RIPOR3: variants seen among roughly 807,000 people sequenced by gnomAD.
The protein encoded by RIPOR3 is family with sequence similarity 65 member C.
RIPOR3 carries 95 observed loss-of-function variants against 114.3 expected under a neutral mutation model. That is an observed-to-expected ratio of 0.83 (90% CI 0.70 to 0.99). The LOEUF (loss-of-function observed/expected upper bound fraction) is 0.99. RIPOR3 is among the 50% of genes least tolerant of loss of function. The pLI is 0.00. For synonymous variants in RIPOR3, 575 were observed against 543.8 expected (o/e 1.06, Z -0.80); for missense variants, 1,252 against 1,266.9 (o/e 0.99, Z 0.18).
At position 50,613,693 on chromosome 20, in the gene RIPOR3, T is replaced by A. The variant is rs186200928; in HGVS notation, c.348+2309A>T. Among the ~76,000 whole-genome samples the A allele has an allele frequency of 5.0e-4, 76 of 152,158 alleles. No homozygotes were observed. The South Asian group carries it at 0.012, about 23-fold the overall frequency. ...CATGGGAGCAGCTAAAACATACAAG[T>A]ATTTATACTCTTGCCTGCTTTAGAG... On this transcript the variant is annotated intron_variant, in intron 4 of 21. Transcript: ENST00000327979.
chr20:50,594,764 G>A, intron 16 of RIPOR3, 50 bp from the exon 17 acceptor site: 1 of 1,572,432 alleles, frequency 6.4e-7, no homozygotes, highest in Non-Finnish European at 8.7e-7. Flanking sequence ...GAGAGCACAT[G>A]ACAAGGACCC....
At chr20:50,592,981 G>A (rs551381766) in intron 18 of RIPOR3, 54 bp downstream of exon 18, 3 of 1,595,850 alleles carry the variant, frequency 1.9e-6, no homozygotes, top group East Asian at 2.2e-5. Context: ...AACTGCATGT[G>A]ACAGGGCTCC....
intron 1 of RIPOR3, among the ~76,000 whole-genome samples, chr20:50,657,786 G>C (rs1470756356): frequency 8.5e-6 from 1 of 117,648 alleles, no homozygotes; most frequent in Non-Finnish European, 1.7e-5. Context: ...ACAGGGTCTT[G>C]CCTGTTGCCC....
intron 1 of RIPOR3, among the ~76,000 whole-genome samples, chr20:50,664,898 T>C (rs1568942286): frequency 6.6e-6 from 1 of 152,026 alleles, no homozygotes; most frequent in Non-Finnish European, 1.5e-5. Flanking sequence ...GGTTAGGAGT[T>C]TGAGACCAGC....
In RIPOR3 at chr20:50,612,614, T is replaced by A. The variant is rs560406414; in HGVS notation, c.349-1410A>T. On this transcript the variant is annotated intron_variant, in intron 4 of 21. Coordinates refer to ENST00000327979, the MANE Select transcript of RIPOR3 (RefSeq NM_001290268.2). The stretch of plus-strand genomic sequence containing the variant: ...CTCACAATTGCTAAACACATTTACA[T>A]GATTATGTGACCAGAGAGAAAAATA... 2.6e-5 allele frequency among the ~76,000 whole-genome samples: 4 copies of A among 152,252 alleles called. No individual in the cohort carries two copies. In the South Asian group the frequency reaches 8.3e-4, roughly 32 times the overall value.
intron 8 of RIPOR3, 86 bp downstream of exon 8, chr20:50,609,207 G>T: frequency 1.3e-6 from 2 of 1,515,268 alleles, no homozygotes; most frequent in Non-Finnish European, 1.8e-6. Flanking sequence ...TCAGACCCCT[G>T]GGATTCTGGC....
intron 15 of RIPOR3, among the ~76,000 whole-genome samples, chr20:50,595,857 T>C (rs1369320808): frequency 6.6e-6 from 1 of 152,188 alleles, no homozygotes; most frequent in Non-Finnish European, 1.5e-5. Context: ...CCGATAAATT[T>C]TCCTGTTGGC....
chr20:50,655,608 G>A (rs540428314), intron 1 of RIPOR3, among the ~76,000 whole-genome samples: 3 of 151,966 alleles, frequency 2.0e-5, no homozygotes, highest in Non-Finnish European at 4.4e-5. Context: ...AGTCTGCATC[G>A]ATCTAGCAGA....
intron 19 of RIPOR3, 91 bp from the exon 20 acceptor site, chr20:50,589,860 GGCACGCTGTGC>G: frequency 8.9e-7 from 1 of 1,120,248 alleles, no homozygotes; most frequent in South Asian, 1.3e-5. Context: ...CCGACAGTAA[GGCACGCTGTGC>G]CCATCTTTCT....
At chr20:50,601,269 A>C (rs2083483535) in intron 13 of RIPOR3, among the ~76,000 whole-genome samples, 1 of 152,268 alleles carries the variant, frequency 6.6e-6, no homozygotes, top group Admixed American at 6.5e-5. Flanking sequence ...CCCCATCTCT[A>C]CTAAAAATAC....
intron 13 of RIPOR3, among the ~76,000 whole-genome samples, chr20:50,600,492 C>G (rs550615440): frequency 6.6e-6 from 1 of 152,194 alleles, no homozygotes; most frequent in South Asian, 2.1e-4. Context: ...GGCACGATGG[C>G]TCACGCCTGT....
In RIPOR3 at chr20:50,637,439, C is replaced by T. The variant is rs557265795; in HGVS notation, c.4-6583G>A. The stretch of plus-strand genomic sequence containing the variant: ...GGTCCTCCCTGACCCCCTTGGCTAA[C>T]GTGGACTTGCCCCTCACCCGTATCC... On this transcript the variant is annotated intron_variant, in intron 1 of 21. Transcript: ENST00000327979. Among the ~76,000 whole-genome samples the T allele has an allele frequency of 8.5e-5, 13 of 152,290 alleles. No homozygotes were observed. The South Asian group carries it at 2.5e-3, about 29-fold the overall frequency.
intron 1 of RIPOR3, among the ~76,000 whole-genome samples, chr20:50,632,180 C>A (rs78367462): frequency 0.026 from 3,893 of 152,232 alleles, 173 homozygotes; most frequent in African/African-American, 0.089. Flanking sequence ...ATATCCCCCA[C>A]CCCACAGCCC....
At chr20:50,618,237 C>T (rs190854641) in intron 3 of RIPOR3, among the ~76,000 whole-genome samples, 104 of 133,802 alleles carry the variant, frequency 7.8e-4, no homozygotes, top group African/African-American at 2.8e-3. Flanking sequence ...CACCACCGCA[C>T]TCCAGCCTGG....
At chr20:50,632,852 A>G (rs2084864338) in intron 1 of RIPOR3, among the ~76,000 whole-genome samples, 1 of 152,236 alleles carries the variant, frequency 6.6e-6, no homozygotes, top group Non-Finnish European at 1.5e-5. Context: ...GCCCGATGTC[A>G]GAGCTTGTCT....
chr20:50,653,394 A>C (rs1204423456), intron 1 of RIPOR3, among the ~76,000 whole-genome samples: 1 of 152,040 alleles, frequency 6.6e-6, no homozygotes, highest in Non-Finnish European at 1.5e-5. Flanking sequence ...ATGGTTGCAC[A>C]GCTTTGTGAA....
chr20:50,615,913 C>T, intron 4 of RIPOR3, 89 bp downstream of exon 4: 1 of 1,275,140 alleles, frequency 7.8e-7, no homozygotes, highest in Non-Finnish European at 1.1e-6. Flanking sequence ...AAGAGTCACA[C>T]CGTGACATAG....
intron 1 of RIPOR3, among the ~76,000 whole-genome samples, chr20:50,643,048 C>CAA (rs964311954): frequency 7.0e-6 from 1 of 142,434 alleles, no homozygotes; most frequent in African/African-American, 2.6e-5. Flanking sequence ...AACTCCATCT[C>CAA]AAAAAAAAAA....
intron 1 of RIPOR3, among the ~76,000 whole-genome samples, chr20:50,683,552 A>C (rs1201711694): frequency 6.6e-6 from 1 of 151,624 alleles, no homozygotes; most frequent in Admixed American, 6.6e-5. Flanking sequence ...TCCTGGGTTC[A>C]AGTGATTCTT....
Sources: gnomAD v4.1 joint callset for allele counts (sites outside exome capture counted in the v4.1 genomes callset) on GRCh38, gnomAD v4.1.1 for gene constraint, MANE v1.5 for transcripts, NCBI Gene and HGNC (gene_info 2026-07-23, HGNC 2026-07-21) for gene names.